The following SLC9A6 variants were observed in gnomAD, a reference collection of about 807,000 sequenced individuals.
SLC9A6 encodes the protein solute carrier family 9 member A6, also known as sodium/hydrogen exchanger 6.
Under a neutral mutation model 45.3 loss-of-function variants are expected in SLC9A6, and 6 were observed. The ratio of observed to expected loss-of-function variants is 0.13; its 90% CI spans 0.07 to 0.26. The LOEUF (loss-of-function observed/expected upper bound fraction) is 0.26, where lower values mean the gene tolerates loss of function less well. SLC9A6 is among the 10% of genes least tolerant of loss of function. SLC9A6 has a pLI of 1.00. For synonymous variants in SLC9A6, 191 were observed against 187.7 expected (o/e 1.02, Z -0.14); for missense variants, 278 against 503.7 (o/e 0.55, Z 4.29).
intron 16 of SLC9A6, among the ~76,000 whole-genome samples, chrX:136,038,652 G>A (rs1603222700): frequency 9.1e-6 from 1 of 110,048 alleles, no homozygotes; most frequent in East Asian, 2.8e-4. Context: ...AGTTTTACCA[G>A]TGAAGCCATT....
At chrX:136,017,443 A>T (rs1027354780) in intron 11 of SLC9A6, among the ~76,000 whole-genome samples, 1 of 109,947 alleles carries the variant, frequency 9.1e-6, no homozygotes, top group Non-Finnish European at 1.9e-5. Flanking sequence ...AAAAAACCAA[A>T]AAACAGTTGG....
chrX:135,987,094 A>G (rs2089351449), intron 2 of SLC9A6, among the ~76,000 whole-genome samples: 2 of 111,793 alleles, frequency 1.8e-5, no homozygotes, highest in African/African-American at 6.5e-5. Flanking sequence ...AGGAAGATGC[A>G]TGAACTCAGG....
At chrX:135,998,042 A>G (rs961429669) in intron 3 of SLC9A6, 66 bp from the exon 4 acceptor site, 4 of 602,537 alleles carry the variant, frequency 6.6e-6, no homozygotes, top group Admixed American at 2.4e-5. Flanking sequence ...TTTCTTTTTG[A>G]TCATTTGATA....
intron 2 of SLC9A6, among the ~76,000 whole-genome samples, chrX:135,989,423 T>A (rs782733565): frequency 8.9e-6 from 1 of 111,914 alleles, no homozygotes; most frequent in Non-Finnish European, 1.9e-5. Context: ...GCAGAAATAT[T>A]TGTATTGCCT....
chrX:136,037,556 A>ATATTTATTTATT (rs781891851), intron 16 of SLC9A6, among the ~76,000 whole-genome samples: 3 of 110,273 alleles, frequency 2.7e-5, no homozygotes, highest in African/African-American at 9.9e-5. Context: ...AGAAAATTGG[A>ATATTTATTTATT]TATTTATTTA....
intron 15 of SLC9A6, among the ~76,000 whole-genome samples, chrX:136,031,467 A>C (rs1569525561): frequency 8.9e-6 from 1 of 112,368 alleles, no homozygotes; most frequent in Non-Finnish European, 1.9e-5. Flanking sequence ...TGGGAGGCCA[A>C]AGCGGGTGGA....
chrX:136,011,332 C>T (rs781872589), intron 8 of SLC9A6, among the ~76,000 whole-genome samples: 9 of 111,967 alleles, frequency 8.0e-5, no homozygotes, highest in African/African-American at 1.3e-4. Flanking sequence ...CTCCGCCTCC[C>T]GAGTTCAAGC....
chrX:136,023,984 G>T (rs2071183810), intron 12 of SLC9A6, among the ~76,000 whole-genome samples: 1 of 110,003 alleles, frequency 9.1e-6, no homozygotes, highest in Non-Finnish European at 1.9e-5. Context: ...CTGCCTCCCT[G>T]GTTCAAGCAA....
At chrX:136,001,352 A>C (rs1556617357) in intron 6 of SLC9A6, among the ~76,000 whole-genome samples, 1 of 108,566 alleles carries the variant, frequency 9.2e-6, no homozygotes, top group Non-Finnish European at 1.9e-5. Context: ...AAAAAAAAAA[A>C]AAAAAACCAA....
In SLC9A6 at chrX:135,995,933, C is replaced by T. The variant is rs781916129; in HGVS notation, c.369+948C>T. On this transcript the variant is annotated intron_variant, in intron 3 of 17. Transcript: ENST00000630721. ...TTATCATGACGTTTCTCATGATAAA[C>T]GGCTCAATGCCACTTTGCTCATGTC... Among the ~76,000 whole-genome samples the T allele has an allele frequency of 5.5e-5, 6 of 109,146 alleles. No homozygotes were observed. The South Asian group carries it at 2.4e-3, about 44-fold the overall frequency. The allele number at this position is 109,146 out of a possible 115,157, so 94.8% of individuals were successfully genotyped here. A position where few individuals can be genotyped will look rare whatever the true frequency, so the allele number is the denominator to read the frequency against.
intron 11 of SLC9A6, among the ~76,000 whole-genome samples, chrX:136,019,742 G>T (rs1378724722): frequency 1.8e-5 from 2 of 112,232 alleles, no homozygotes; most frequent in Non-Finnish European, 3.8e-5. Context: ...CACAGTGAAT[G>T]AACTAATATT....
rs536438925 is a variant in SLC9A6, at chrX:136,013,416, G to A, written c.1059G>A (p.Glu353=). ...ATACGTATAATAATTTGTCCACGGA[G>A]TCTCAGCATAGAACTAAACAGGTAA... ...AHYTYNNLST[E]SQHRTKQLFE... is the part of the protein sequence containing the mutation. Residue 353 remains glutamate, a synonymous_variant, in exon 10 of 18, where the codon GAG becomes GAA. Transcript: ENST00000630721. The A allele has an allele frequency of 2.8e-5, 33 of 1,197,276 alleles. No individual in the cohort carries two copies. In the South Asian group the frequency reaches 5.8e-4, roughly 21 times the overall value.
At chrX:136,006,466 T>G (rs868910051) in intron 7 of SLC9A6, among the ~76,000 whole-genome samples, 1 of 108,284 alleles carries the variant, frequency 9.2e-6, no homozygotes, top group Non-Finnish European at 1.9e-5. Flanking sequence ...GCACTGTTTT[T>G]TTTTTTTTTT....
At chrX:135,994,445 G>T (rs1304012356) in intron 2 of SLC9A6, among the ~76,000 whole-genome samples, 1 of 111,025 alleles carries the variant, frequency 9.0e-6, no homozygotes, top group Non-Finnish European at 1.9e-5. Flanking sequence ...TGTCGAGTTG[G>T]GACACATTGG....
At position 135,998,572 on chromosome X, in the gene SLC9A6, G is replaced by T. The variant is rs374728737; in HGVS notation, c.524+14G>T. 9.2e-7 allele frequency: 1 copy of T among 1,086,212 alleles called. No homozygotes were observed. Among genetic ancestry groups the T allele is most frequent in the African/African-American group, 1.8e-5 (1 of 54,171 alleles). 89.5% of individuals were successfully genotyped at this position (1,086,212 alleles called of 1,213,427 possible). A position where few individuals can be genotyped will look rare whatever the true frequency, so the allele number is the denominator to read the frequency against. Reference sequence around the variant, plus strand: ...TTTCGTTATTGGGTAAGTATTTTAAGCTTAAAATACTTTGTGGCCTTCAAA... The same window carrying T: ...TTTCGTTATTGGGTAAGTATTTTAATCTTAAAATACTTTGTGGCCTTCAAA... On this transcript the variant is annotated intron_variant, in intron 5 of 17. Transcript: ENST00000630721.
chrX:136,004,911 A>G (rs1387257851), intron 7 of SLC9A6, among the ~76,000 whole-genome samples: 3 of 112,576 alleles, frequency 2.7e-5, no homozygotes, highest in Non-Finnish European at 5.6e-5. Context: ...GTTATAAAAA[A>G]TGAAGCAACA....
intron 13 of SLC9A6, among the ~76,000 whole-genome samples, chrX:136,025,460 T>C (rs1556620470): frequency 8.9e-6 from 1 of 112,475 alleles, no homozygotes; most frequent in African/African-American, 3.2e-5. Context: ...ATTACACCTT[T>C]TTTAAGACTT....
At chrX:135,999,226 C>G (rs1455876417) in intron 6 of SLC9A6, among the ~76,000 whole-genome samples, 1 of 108,939 alleles carries the variant, frequency 9.2e-6, no homozygotes, top group Non-Finnish European at 1.9e-5. Flanking sequence ...TCAACAAGGA[C>G]TATAAGGTAC....
upstream of SLC9A6, chrX:135,973,943 G>A: frequency 2.7e-6 from 3 of 1,121,960 alleles, no homozygotes; most frequent in Non-Finnish European, 3.5e-6. Flanking sequence ...GCCCAACGGA[G>A]TCATAAACGA....
Sources: gnomAD v4.1 joint callset for allele counts (sites outside exome capture counted in the v4.1 genomes callset) on GRCh38, gnomAD v4.1.1 for gene constraint, MANE v1.5 for transcripts, NCBI Gene and HGNC (gene_info 2026-07-23, HGNC 2026-07-21) for gene names.